DST: variants seen among roughly 807,000 people sequenced by gnomAD.
DST encodes bullous pemphigoid antigen.
In DST, 253 loss-of-function variants were observed where a neutral mutation model predicts 875.2. The ratio of observed to expected loss-of-function variants is 0.29; its 90% CI spans 0.26 to 0.32. The LOEUF (loss-of-function observed/expected upper bound fraction) is 0.32, where lower values mean the gene tolerates loss of function less well. Ranked by LOEUF, DST falls within the 10% of genes least tolerant of loss-of-function variation. DST has a pLI of 1.00. For missense variants in DST, 8,287 were observed against 9,111.6 expected (o/e 0.91, Z 3.68); for synonymous variants, 3,124 against 3,197.1 (o/e 0.98, Z 0.77).
intron 4 of DST, among the ~76,000 whole-genome samples, chr6:56,748,148 T>A (rs2099577804): frequency 6.6e-6 from 1 of 152,186 alleles, no homozygotes; most frequent in Non-Finnish European, 1.5e-5. Context: ...GTTCATTAAA[T>A]AAGTAGGTGC....
At chr6:56,756,463 G>T (rs1213020757) in intron 4 of DST, among the ~76,000 whole-genome samples, 1 of 152,156 alleles carries the variant, frequency 6.6e-6, no homozygotes, top group African/African-American at 2.4e-5. Flanking sequence ...GCTGACTTAA[G>T]AATCAGTGGC....
chr6:56,642,888 C>G (rs1587614642), intron 15 of DST: 1 of 1,586,720 alleles, frequency 6.3e-7, no homozygotes, highest in Non-Finnish European at 8.5e-7. Context: ...AAAGTGGCAG[C>G]TGAATATTAC....
chr6:56,542,808 T>C (rs2097156524), intron 61 of DST: 1 of 152,338 alleles, frequency 6.6e-6, no homozygotes, highest in Admixed American at 6.5e-5. Flanking sequence ...AGGCACCATC[T>C]GCTGCGTCTC....
intron 3 of DST, among the ~76,000 whole-genome samples, chr6:56,872,568 A>G (rs1777703641): frequency 6.6e-6 from 1 of 152,162 alleles, no homozygotes; most frequent in African/African-American, 2.4e-5. Context: ...TTTTAGGAAT[A>G]AATAGACTAG....
intron 4 of DST, among the ~76,000 whole-genome samples, chr6:56,845,350 C>T (rs1050035021): frequency 6.6e-6 from 1 of 152,004 alleles, no homozygotes; most frequent in African/African-American, 2.4e-5. Flanking sequence ...ATGAGTTCCT[C>T]TTGAAAGAAA....
intron 8 of DST, among the ~76,000 whole-genome samples, chr6:56,700,981 C>CTTTT (rs373838192): frequency 1.2e-3 from 150 of 128,492 alleles, no homozygotes; most frequent in Non-Finnish European, 2.0e-3. Flanking sequence ...TTTCTCTTGC[C>CTTTT]TTTTTTTTTT....
In DST at chr6:56,606,761, G is replaced by C. The variant is rs1563141531; in HGVS notation, c.7867C>G (p.His2623Asp). ...TCACCATCAAGAAGCAAAGAATCAT[G>C]GTCATCATCTTCAAACAAGGGAGTA... ...YDTPLFEDDD[H>D]DSLLLDGDDR... is the part of the protein sequence containing the mutation. The change falls in exon 40 of 104, where the codon CAT becomes GAT. Residue 2623 changes from histidine (H) to aspartate (D), a missense_variant. Physicochemically the swap from His to Asp is moderately conservative, Grantham distance 81 (BLOSUM62 -1). Transcript: ENST00000680361. The C allele has an allele frequency of 2.5e-6, 4 of 1,613,314 alleles. No individual in the cohort carries two copies. In the African/African-American group the frequency reaches 5.3e-5, roughly 22 times the overall value.
At chr6:56,672,855 C>T (rs138736751) in intron 9 of DST, among the ~76,000 whole-genome samples, 4,284 of 152,242 alleles carry the variant, frequency 0.028, 105 homozygotes, top group South Asian at 0.087. Flanking sequence ...TAACTCTCTT[C>T]CCCATAGAGA....
intron 5 of DST, among the ~76,000 whole-genome samples, chr6:56,720,422 T>A (rs1341825212): frequency 6.6e-6 from 1 of 151,416 alleles, no homozygotes; most frequent in African/African-American, 2.4e-5. Context: ...GGCAGGGTCA[T>A]AGGACAATAG....
At chr6:56,537,081 G>T in intron 61 of DST, 141 bp from the exon 62 acceptor site, 1 of 673,944 alleles carries the variant, frequency 1.5e-6, no homozygotes, top group Non-Finnish European at 2.4e-6. Flanking sequence ...TCTAGCCATA[G>T]GTCATAGCTA....
chr6:56,736,536 T>A (rs549409463), intron 4 of DST, among the ~76,000 whole-genome samples: 2 of 152,290 alleles, frequency 1.3e-5, no homozygotes, highest in East Asian at 3.9e-4. Context: ...TCCTTGGTGG[T>A]CTTCTTTCCT....
At chr6:56,541,033 G>A (rs1429347879) in intron 61 of DST, 1 of 152,596 alleles carries the variant, frequency 6.6e-6, no homozygotes, top group Non-Finnish European at 1.5e-5. Context: ...CCTCCGAAGT[G>A]AGAGAATTAG....
intron 10 of DST, among the ~76,000 whole-genome samples, chr6:56,657,640 G>C (rs1196460539): frequency 6.6e-6 from 1 of 152,210 alleles, no homozygotes; most frequent in African/African-American, 2.4e-5. Flanking sequence ...TGGATGAAAA[G>C]AGCTCTGGAG....
chr6:56,492,958 G>T lies in DST; in HGVS notation c.20526C>A (p.Val6842=). 1 of 1,609,498 alleles carries T rather than the reference G, an allele frequency of 6.2e-7. No homozygotes were observed. Among genetic ancestry groups the T allele is most frequent in the Non-Finnish European group, 8.5e-7 (1 of 1,177,676 alleles). ...CCTTGTGTTCGTCAATTTGAAATAA[G>T]ACTGTGTCCAAGATGAGACTTGGCC... The part of the protein sequence containing the change: ...ASRPSLILDT[V]LFQIDEHKVF... The change falls in exon 84 of 104, where the codon GTC becomes GTA. Residue 6842 remains valine, a synonymous_variant. Coordinates refer to ENST00000680361, the MANE Select transcript of DST (RefSeq NM_001374736.1).
intron 4 of DST, among the ~76,000 whole-genome samples, chr6:56,782,392 A>G (rs947637670): frequency 3.9e-5 from 6 of 152,246 alleles, no homozygotes; most frequent in African/African-American, 1.4e-4. Flanking sequence ...TTATTGCCAC[A>G]ATTTCAGAGC....
At chr6:56,652,580 T>C (rs947835423) in intron 10 of DST, among the ~76,000 whole-genome samples, 1 of 152,238 alleles carries the variant, frequency 6.6e-6, no homozygotes, top group Non-Finnish European at 1.5e-5. Context: ...GCTGCTTATA[T>C]GAAAAGCTGT....
intron 2 of DST, among the ~76,000 whole-genome samples, chr6:56,917,130 T>C (rs1019940639): frequency 4.6e-5 from 7 of 151,700 alleles, no homozygotes; most frequent in Non-Finnish European, 1.0e-4. Context: ...GCCCACTGTC[T>C]GGGGGCTGAA....
intron 37 of DST, 91 bp from the exon 38 acceptor site, chr6:56,611,687 C>T (rs562818588): frequency 1.1e-6 from 1 of 882,586 alleles, no homozygotes; most frequent in Non-Finnish European, 1.7e-6. Context: ...AAGCTTTAGT[C>T]AAGACCCAAG....
chr6:56,737,098 G>A (rs1456411250), intron 4 of DST, among the ~76,000 whole-genome samples: 1 of 152,230 alleles, frequency 6.6e-6, no homozygotes, highest in East Asian at 1.9e-4. Context: ...GGAGGCTGAG[G>A]TGGGCAAGTC....
Sources: allele counts gnomAD v4.1 joint callset (sites outside exome capture counted in the v4.1 genomes callset), GRCh38; gene constraint gnomAD v4.1.1; transcripts MANE v1.5; gene names NCBI Gene and HGNC (gene_info 2026-07-23, HGNC 2026-07-21).